The following HK1 variants were observed in gnomAD, a reference collection of about 807,000 sequenced individuals.
HK1 encodes hexokinase-1.
In HK1, 28 loss-of-function variants were observed where a neutral mutation model predicts 91.6. That is an observed-to-expected ratio of 0.31 (90% confidence interval 0.23 to 0.42). HK1 has a LOEUF of 0.42. HK1 is among the 10% of genes least tolerant of loss of function. The probability of loss-of-function intolerance (pLI) is 1.00; values close to 1 mark genes in which losing one functional copy is unlikely to be tolerated. For synonymous variants in HK1, 430 were observed against 468.1 expected, an observed-to-expected ratio of 0.92 and a Z score of 1.05; for missense variants, 770 against 1,219.8, an observed-to-expected ratio of 0.63 and a Z score of 5.49.
intron 2 of HK1, among the ~76,000 whole-genome samples, chr10:69,285,425 AAAC>A (rs1353791018): frequency 6.6e-6 from 1 of 152,150 alleles, no homozygotes; most frequent in Non-Finnish European, 1.5e-5. Flanking sequence ...TTCCATCTCA[AAAC>A]AACAACAAAA....
chr10:69,285,924 T>TG, intron 2 of HK1, among the ~76,000 whole-genome samples: 1 of 152,204 alleles, frequency 6.6e-6, no homozygotes. Flanking sequence ...CTCCGTCTCC[T>TG]GGGTAACAAC....
intron 5 of HK1, among the ~76,000 whole-genome samples, chr10:69,309,940 C>T (rs570371475): frequency 6.6e-6 from 1 of 151,010 alleles, no homozygotes; most frequent in African/African-American, 2.4e-5. Context: ...ATCCCAGCTA[C>T]TTGGGAGGCT....
chr10:69,299,354 T>TG (rs1845729991), intron 4 of HK1, among the ~76,000 whole-genome samples: 1 of 142,488 alleles, frequency 7.0e-6, no homozygotes, highest in African/African-American at 2.7e-5. Flanking sequence ...TGTTTGTTTG[T>TG]GGTTTTTGTT....
chr10:69,378,620 T>C (rs1022624166), intron 8 of HK1, among the ~76,000 whole-genome samples: 1 of 152,146 alleles, frequency 6.6e-6, no homozygotes, highest in Non-Finnish European at 1.5e-5. Context: ...GGGTTTCACC[T>C]TGTTGGCCAG....
At chr10:69,393,478 G>GT (rs1840002740) in intron 15 of HK1, among the ~76,000 whole-genome samples, 1 of 151,872 alleles carries the variant, frequency 6.6e-6, no homozygotes, top group Non-Finnish European at 1.5e-5. Context: ...TGTATTTTTG[G>GT]TAGAGACCAG....
Position 69,335,458 on chromosome 10 carries a change from C to G in HK1, c.64-8369C>G, listed in dbSNP as rs550366137. Among the ~76,000 whole-genome samples the G allele has an allele frequency of 1.1e-3, 172 of 152,276 alleles. 2 individuals are homozygous for G. Among genetic ancestry groups the G allele is most frequent in the South Asian group, 7.0e-3 (34 of 4,826 alleles). On this transcript the variant is annotated intron_variant, in intron 1 of 17. Coordinates refer to ENST00000359426, the MANE Select transcript of HK1 (RefSeq NM_000188.3). ...TGTTCTTGGGTGGCTGGAGCTGTGG[C>G]GGTGATAGCCCCTGTAGTACCGCAT... is the stretch of plus-strand genomic sequence containing the variant.
chr10:69,297,045 C>T (rs749212425), intron 4 of HK1, among the ~76,000 whole-genome samples: 1 of 152,082 alleles, frequency 6.6e-6, no homozygotes, highest in Non-Finnish European at 1.5e-5. Context: ...ACTGACCACC[C>T]CCACATCATG....
chr10:69,314,647 T>TTTCTC (rs531197370), upstream of HK1, among the ~76,000 whole-genome samples: 1,060 of 149,976 alleles, frequency 7.1e-3, 13 homozygotes, highest in Non-Finnish European at 0.012. Flanking sequence ...TTCCTTTTCT[T>TTTCTC]TTCTCTTCTC....
At position 69,288,415 on chromosome 10, in the gene HK1, C is replaced by G. The variant is rs548015026; in HGVS notation, c.-214-256C>G. On this transcript the variant is annotated intron_variant, in intron 2 of 21. Transcript: ENST00000360289. ...CTTGAGCCCAGGAGTTCGAAACCAG[C>G]CTGAGCAACAGAAGCTGCAGTGAGC... Among the ~76,000 whole-genome samples the G allele has an allele frequency of 1.4e-3, 213 of 152,216 alleles. 1 individual carries two copies. The highest frequency in any genetic ancestry group is 4.8e-3 in the African/African-American group (201 of 41,526).
chr10:69,341,520 A>T (rs571600187), intron 1 of HK1, among the ~76,000 whole-genome samples: 1 of 151,296 alleles, frequency 6.6e-6, no homozygotes, highest in South Asian at 2.1e-4. Flanking sequence ...GCTGGAGTAC[A>T]GTGGTTCAAT....
rs527890340 is a variant in HK1, at chr10:69,325,789, G to A, written c.63+6779G>A. Among the ~76,000 whole-genome samples, 29 of 150,946 alleles carry A rather than the reference G, an allele frequency of 1.9e-4. No individual in the cohort carries two copies. The East Asian group carries it at 5.3e-3, about 28-fold the overall frequency. On this transcript the variant is annotated intron_variant, in intron 1 of 17. Coordinates refer to ENST00000359426, the MANE Select transcript of HK1 (RefSeq NM_000188.3). ...TGACCGCAAGTGATCTGCCCGCCTT[G>A]GCCTCCCGAAATGCTGGGATTACGG...
At chr10:69,385,698 A>G (rs1839600375) in intron 12 of HK1, among the ~76,000 whole-genome samples, 1 of 152,186 alleles carries the variant, frequency 6.6e-6, no homozygotes, top group Admixed American at 6.5e-5. Flanking sequence ...AGGTAGGGTC[A>G]CCTACCTCTG....
intron 13 of HK1, among the ~76,000 whole-genome samples, chr10:69,388,134 T>C (rs1315271123): frequency 6.6e-6 from 1 of 152,052 alleles, no homozygotes; most frequent in Non-Finnish European, 1.5e-5. Context: ...CAATATTTCA[T>C]TGAAAATATA....
chr10:69,289,773 A>AT (rs35585147), intron 3 of HK1, among the ~76,000 whole-genome samples: 3,285 of 135,474 alleles, frequency 0.024, 126 homozygotes, highest in African/African-American at 0.079. Context: ...CACCCGGCCA[A>AT]TTTTTTTTTT....
At chr10:69,300,530 G>C in intron 4 of HK1, 1 of 719,326 alleles carries the variant, frequency 1.4e-6, no homozygotes, top group African/African-American at 1.8e-5. Context: ...AAATCAAACT[G>C]GCCAGATGGA....
chr10:69,335,960 G>A (rs997663185), intron 1 of HK1, among the ~76,000 whole-genome samples: 1 of 152,134 alleles, frequency 6.6e-6, no homozygotes, highest in African/African-American at 2.4e-5. Context: ...AGAAAAAAGT[G>A]TTTATGATAT....
At chr10:69,351,190 A>G (rs1253946890) in intron 2 of HK1, among the ~76,000 whole-genome samples, 1 of 148,082 alleles carries the variant, frequency 6.8e-6, no homozygotes, top group African/African-American at 2.5e-5. Flanking sequence ...TAAATAAATA[A>G]ATAAATAAAT....
upstream of HK1, among the ~76,000 whole-genome samples, chr10:69,312,491 G>T (rs957417896): frequency 6.6e-6 from 1 of 151,904 alleles, no homozygotes; most frequent in Non-Finnish European, 1.5e-5. Flanking sequence ...CACCCGCCTC[G>T]GCCTCCCAAA....
rs576579016 is a variant in HK1, at chr10:69,342,375, T to A, written c.64-1452T>A. Among the ~76,000 whole-genome samples, 135 of 151,600 alleles carry A rather than the reference T, an allele frequency of 8.9e-4. 1 individual carries two copies. The highest frequency in any genetic ancestry group is 3.2e-3 in the African/African-American group (131 of 41,282). Reference sequence around the variant, plus strand: ...TGCCTAGGGGTCAGTGCTGAAGGAGTGGTGATATCCAGCCTGAAGGACTTG... The same window carrying A: ...TGCCTAGGGGTCAGTGCTGAAGGAGAGGTGATATCCAGCCTGAAGGACTTG... On this transcript the variant is annotated intron_variant, in intron 1 of 17. Coordinates refer to ENST00000359426, the MANE Select transcript of HK1 (RefSeq NM_000188.3).
Sources: gnomAD v4.1 joint callset for allele counts (sites outside exome capture counted in the v4.1 genomes callset) on GRCh38, gnomAD v4.1.1 for gene constraint, MANE v1.5 for transcripts, NCBI Gene and HGNC (gene_info 2026-07-23, HGNC 2026-07-21) for gene names.